Variants in UNC80 observed in about 807,000 individuals in gnomAD.
UNC80 encodes protein unc-80 homolog.
A neutral mutation model predicts 384.6 loss-of-function variants in UNC80; 164 were observed. That is an observed-to-expected ratio of 0.43 (90% CI 0.38 to 0.49). UNC80 has a LOEUF of 0.49. Among genes scored for constraint, UNC80 ranks in the 20% least tolerant of loss-of-function variants. The pLI is 0.00. For synonymous variants in UNC80, 1,486 were observed against 1,527.8 expected, an observed-to-expected ratio of 0.97 and a Z score of 0.64; for missense variants, 3,330 against 4,143.0, an observed-to-expected ratio of 0.80 and a Z score of 5.39.
chr2:209,964,808 G>A (rs1040342549), intron 51 of UNC80, among the ~76,000 whole-genome samples: 23 of 146,916 alleles, frequency 1.6e-4, no homozygotes, highest in African/African-American at 5.1e-4. Context: ...AAAAAGACAA[G>A]TACAGAAGGG....
intron 59 of UNC80, among the ~76,000 whole-genome samples, chr2:209,981,627 A>G (rs1377008740): frequency 6.6e-6 from 1 of 152,246 alleles, no homozygotes; most frequent in Non-Finnish European, 1.5e-5. Context: ...CTCTGCTTCT[A>G]TGGAGAAAAC....
chr2:209,786,485 T>C (rs1023348463), intron 5 of UNC80, among the ~76,000 whole-genome samples: 5 of 152,212 alleles, frequency 3.3e-5, no homozygotes, highest in South Asian at 2.1e-4. Flanking sequence ...ATGGAGCTAA[T>C]ATATGTAAAA....
intron 39 of UNC80, 59 bp downstream of exon 39, chr2:209,934,064 T>G: frequency 7.0e-7 from 1 of 1,423,054 alleles, no homozygotes; most frequent in Non-Finnish European, 9.4e-7. Flanking sequence ...AATAGCCCTT[T>G]GAAAGACTAA....
intron 33 of UNC80, among the ~76,000 whole-genome samples, chr2:209,919,212 A>G (rs1488845627): frequency 1.3e-5 from 2 of 152,186 alleles, no homozygotes; most frequent in African/African-American, 2.4e-5. Flanking sequence ...AAACAAGAAT[A>G]TGCACCTTTT....
intron 28 of UNC80, among the ~76,000 whole-genome samples, chr2:209,898,461 CA>C (rs1479405704): frequency 3.3e-5 from 5 of 151,820 alleles, no homozygotes; most frequent in African/African-American, 1.2e-4. Flanking sequence ...CATAATTGAT[CA>C]CAGATTTTTT....
intron 38 of UNC80, 47 bp from the exon 39 acceptor site, chr2:209,933,775 C>A: frequency 6.8e-7 from 1 of 1,466,782 alleles, no homozygotes; most frequent in East Asian, 2.5e-5. Context: ...AGAATGTGAG[C>A]TCGGGATTAT....
chr2:209,869,953 C>T (rs2084154100), intron 22 of UNC80, among the ~76,000 whole-genome samples: 1 of 152,056 alleles, frequency 6.6e-6, no homozygotes, highest in African/African-American at 2.4e-5. Flanking sequence ...AATTTTTCAG[C>T]AATATATTTT....
intron 28 of UNC80, among the ~76,000 whole-genome samples, chr2:209,899,830 A>G (rs767080866): frequency 1.2e-4 from 19 of 152,140 alleles, no homozygotes; most frequent in Non-Finnish European, 2.6e-4. Flanking sequence ...TAGCTACTCA[A>G]TCAGCCAATG....
chr2:209,866,525 C>CAGAGAGAG (rs1308031478), intron 22 of UNC80, among the ~76,000 whole-genome samples: 1 of 110,168 alleles, frequency 9.1e-6, no homozygotes, highest in Admixed American at 9.5e-5. Flanking sequence ...CACACACACA[C>CAGAGAGAG]ACACACACAG....
intron 6 of UNC80, among the ~76,000 whole-genome samples, chr2:209,791,305 G>A (rs1047141132): frequency 7.9e-5 from 12 of 151,892 alleles, no homozygotes; most frequent in Admixed American, 2.6e-4. Context: ...TTGTCATGTC[G>A]CTTTCTCCTT....
chr2:209,808,707 G>A, intron 7 of UNC80: 1 of 209,972 alleles, frequency 4.8e-6, no homozygotes, highest in Non-Finnish European at 9.6e-6. Flanking sequence ...AAGGGAGTTG[G>A]CGGAGCGGCT....
intron 1 of UNC80, 48 bp downstream of exon 1, chr2:209,772,212 C>A (rs1265229820): frequency 8.2e-7 from 1 of 1,213,042 alleles, no homozygotes; most frequent in Non-Finnish European, 1.1e-6. Flanking sequence ...GCTGGGGGCG[C>A]TCCTGGGGCC....
chr2:209,839,151 A>T lies in UNC80; in HGVS notation c.3042-71A>T. On this transcript the variant is annotated intron_variant, in intron 18 of 64. Transcript: ENST00000673920. The surrounding 1 kb of genome is among the most constrained non-coding windows in gnomAD (Gnocchi z 4.1). ...ATTTGCCTAAATATCATTGACAGGAAGATGAAAGAAATTTAGGAGAATTTC... is the reference window on the plus strand; with the variant it reads ...ATTTGCCTAAATATCATTGACAGGATGATGAAAGAAATTTAGGAGAATTTC... The T allele has an allele frequency of 7.3e-7, 1 of 1,364,898 alleles. No individual in the cohort carries two copies. The highest frequency in any genetic ancestry group is 1.0e-6 in the Non-Finnish European group (1 of 992,060). The allele number at this position is 1,364,898 out of a possible 1,614,324, so 84.5% of individuals were successfully genotyped here.
chr2:209,773,224 G>T, intron 2 of UNC80, 82 bp downstream of exon 2: 2 of 1,180,972 alleles, frequency 1.7e-6, no homozygotes, highest in Non-Finnish European at 2.5e-6. Context: ...AAATCAAACG[G>T]ACTATATATA....
intron 23 of UNC80, among the ~76,000 whole-genome samples, chr2:209,875,190 CA>C (rs2084671099): frequency 6.6e-6 from 1 of 152,134 alleles, no homozygotes; most frequent in Non-Finnish European, 1.5e-5. Context: ...CCCTCTAATT[CA>C]TTCTCCAAAC....
intron 22 of UNC80, among the ~76,000 whole-genome samples, chr2:209,865,855 T>A (rs964102552): frequency 5.9e-5 from 9 of 152,150 alleles, no homozygotes; most frequent in Non-Finnish European, 1.2e-4. Flanking sequence ...TAATTGAAAA[T>A]CTCTTTATTT....
In UNC80 at chr2:209,791,435, C is replaced by T. The variant is rs142674587; in HGVS notation, c.798+1830C>T. On this transcript the variant is annotated intron_variant, in intron 6 of 64. Coordinates refer to ENST00000673920, the MANE Select transcript of UNC80 (RefSeq NM_001371986.1). ...TAAGTGACCCTGTCTCTGATTATCC[C>T]TTCAGTCAGTTATCTATTATCTCTA... 3.6e-3 allele frequency among the ~76,000 whole-genome samples: 552 copies of T among 152,252 alleles called. 3 individuals are homozygous for T. Among genetic ancestry groups the T allele is most frequent in the African/African-American group, 0.012 (518 of 41,546 alleles).
In UNC80 at chr2:209,972,267, G is replaced by T; in HGVS notation, c.8323G>T (p.Gly2775Trp). 2.2e-5 allele frequency: 34 copies of T among 1,551,760 alleles called. No individual in the cohort carries two copies. Among genetic ancestry groups the T allele is most frequent in the Non-Finnish European group, 3.0e-5 (34 of 1,146,916 alleles). ...SPFTNQERRE[G>W]MLLNLLIPFV... Reference sequence around the variant, plus strand: ...ATTCACCAATCAAGAGCGAAGGGAGGGGATGCTTTTAAATCTGCTCATCCC... The same window carrying T: ...ATTCACCAATCAAGAGCGAAGGGAGTGGATGCTTTTAAATCTGCTCATCCC... The change falls in exon 55 of 65, where the codon GGG becomes TGG. Residue 2775 changes from glycine (G) to tryptophan (W), a missense_variant. Physicochemically the swap from Gly to Trp is radical, Grantham distance 184. This residue lies in a region of UNC80 where 1,049 missense variants were observed against 1,488.6 expected (regional missense o/e 0.70). Coordinates refer to ENST00000673920, the MANE Select transcript of UNC80 (RefSeq NM_001371986.1).
chr2:209,888,248 G>A lies in UNC80; in HGVS notation c.4264G>A (p.Glu1422Lys), dbSNP rs1196375309. The A allele has an allele frequency of 1.3e-6, 2 of 1,551,578 alleles. No individual in the cohort carries two copies. Among genetic ancestry groups the A allele is most frequent in the African/African-American group, 2.7e-5 (2 of 73,052 alleles). Residue 1422 changes from glutamate (E) to lysine (K), a missense_variant, in exon 26 of 65, where the codon GAG becomes AAG. Coordinates refer to ENST00000673920, the MANE Select transcript of UNC80 (RefSeq NM_001371986.1). ...CACTCTCAAATCAGATGCAGGAGTC[G>A]AGGAGAAGAAAGGTATGGAAACACA... ...SHTLKSDAGV[E>K]EKKVPSRKIR...
Sources: allele counts gnomAD v4.1 joint callset (sites outside exome capture counted in the v4.1 genomes callset), GRCh38; gene constraint gnomAD v4.1.1; regional missense constraint gnomAD v4.1.1; non-coding constraint Gnocchi (gnomAD v3.1); transcripts MANE v1.5; gene names NCBI Gene and HGNC (gene_info 2026-07-23, HGNC 2026-07-21).